IQGAP2: variants seen among roughly 807,000 people sequenced by gnomAD.
The protein encoded by IQGAP2 is ras GTPase-activating-like protein IQGAP2.
In IQGAP2, 173 loss-of-function variants were observed where a neutral mutation model predicts 201.3. The observed-to-expected ratio is 0.86, with a 90% CI of 0.76 to 0.98. The LOEUF is 0.98. Ranked by LOEUF, IQGAP2 falls within the 50% of genes least tolerant of loss-of-function variation. The pLI is 0.00. For synonymous variants in IQGAP2, 675 were observed against 673.9 expected (o/e 1.00, Z -0.03); for missense variants, 1,687 against 1,864.8 (o/e 0.90, Z 1.76).
intron 2 of IQGAP2, chr5:76,510,789 C>T: frequency 2.2e-6 from 1 of 455,578 alleles, no homozygotes; most frequent in South Asian, 1.7e-5. Flanking sequence ...TGGCACCTGC[C>T]CCCACCTCCA....
chr5:76,498,804 C>T (rs1255704619), intron 2 of IQGAP2, among the ~76,000 whole-genome samples: 2 of 152,260 alleles, frequency 1.3e-5, no homozygotes, highest in Middle Eastern at 3.4e-3. Flanking sequence ...GCATTCTAGG[C>T]CCATAATTCA....
At chr5:76,473,763 T>A (rs1200929228) in intron 2 of IQGAP2, among the ~76,000 whole-genome samples, 1 of 152,252 alleles carries the variant, frequency 6.6e-6, no homozygotes, top group Non-Finnish European at 1.5e-5. Context: ...TCATCAATTA[T>A]CTTTTTGGTT....
intron 1 of IQGAP2, among the ~76,000 whole-genome samples, chr5:76,417,140 A>G (rs1187585034): frequency 6.6e-6 from 1 of 151,904 alleles, no homozygotes; most frequent in Non-Finnish European, 1.5e-5. Context: ...AAATTGTTCA[A>G]GTGTGTGTGT....
intron 13 of IQGAP2, among the ~76,000 whole-genome samples, chr5:76,623,935 G>C (rs1433770032): frequency 4.4e-5 from 1 of 22,950 alleles, no homozygotes; most frequent in Non-Finnish European, 9.1e-5. Context: ...GTTTGTTCAG[G>C]CTTTTTTTTT....
At chr5:76,434,832 A>C (rs1293754955) in intron 1 of IQGAP2, among the ~76,000 whole-genome samples, 1 of 151,960 alleles carries the variant, frequency 6.6e-6, no homozygotes, top group Non-Finnish European at 1.5e-5. Flanking sequence ...GCAGCGTATA[A>C]GCATTCCCTT....
chr5:76,689,716 C>CACTA (rs1351719644), intron 30 of IQGAP2, among the ~76,000 whole-genome samples: 4 of 151,146 alleles, frequency 2.6e-5, no homozygotes, highest in Admixed American at 2.0e-4. Context: ...CTAGCAGGAG[C>CACTA]ACTAAATGGC....
intron 2 of IQGAP2, among the ~76,000 whole-genome samples, chr5:76,466,260 A>C (rs776505738): frequency 3.3e-5 from 5 of 152,142 alleles, no homozygotes; most frequent in Non-Finnish European, 7.4e-5. Flanking sequence ...AAGATCACTC[A>C]GGAGGCTGAG....
At chr5:76,668,005 G>T (rs1161747609) in intron 22 of IQGAP2, among the ~76,000 whole-genome samples, 1 of 150,648 alleles carries the variant, frequency 6.6e-6, no homozygotes, top group Non-Finnish European at 1.5e-5. Flanking sequence ...TCAGCCTCTT[G>T]AGTAGCAGGG....
chr5:76,641,308 A>G (rs1240014297), intron 17 of IQGAP2, among the ~76,000 whole-genome samples: 2 of 152,236 alleles, frequency 1.3e-5, no homozygotes, highest in Non-Finnish European at 2.9e-5. Flanking sequence ...ATGGTCTTCT[A>G]GAGAGCATTT....
chr5:76,471,377 A>C (rs73766928), intron 2 of IQGAP2, among the ~76,000 whole-genome samples: 6 of 54,120 alleles, frequency 1.1e-4, no homozygotes, highest in East Asian at 6.2e-4. Context: ...AAAAAAAAAA[A>C]AAAAAAAAAC....
intron 2 of IQGAP2, among the ~76,000 whole-genome samples, chr5:76,487,470 GTTTATC>G (rs370009135): frequency 1.9e-4 from 29 of 152,202 alleles, no homozygotes; most frequent in South Asian, 1.0e-3. Flanking sequence ...TAAGAAAAAA[GTTTATC>G]TTTATAGTAT....
chr5:76,583,874 ATT>A (rs5868832), intron 5 of IQGAP2, among the ~76,000 whole-genome samples: 10 of 147,654 alleles, frequency 6.8e-5, no homozygotes, highest in Admixed American at 1.3e-4. Flanking sequence ...GGTAGAGAAA[ATT>A]TTTTTTTTTT....
chr5:76,571,991 A>G (rs540252155), intron 4 of IQGAP2, among the ~76,000 whole-genome samples: 1 of 152,302 alleles, frequency 6.6e-6, no homozygotes, highest in East Asian at 1.9e-4. Flanking sequence ...ACACAGACAC[A>G]CAGAAGAGTG....
At chr5:76,470,138 C>A (rs532140778) in intron 2 of IQGAP2, among the ~76,000 whole-genome samples, 48 of 152,242 alleles carry the variant, frequency 3.2e-4, no homozygotes, top group African/African-American at 1.2e-3. Flanking sequence ...CTGCTGTTGG[C>A]CAGAGTCTTC....
chr5:76,606,225 G>A lies in IQGAP2; in HGVS notation c.1279G>A (p.Gly427Arg), dbSNP rs1747793584. The A allele has an allele frequency of 2.5e-6, 4 of 1,605,114 alleles. No homozygotes were observed. The South Asian group carries it at 3.4e-5, about 13-fold the overall frequency. ...LSVKLEVLSQ[G>R]QDNLSWNEIQ... is the part of the protein sequence containing the mutation. ...TGTTAAACTAGAAGTTTTATCCCAA[G>A]GGCAAGATAACTTAAGCTGGAATGA... Residue 427 changes from glycine to arginine, a missense_variant, in exon 12 of 36, where the codon GGG (glycine) becomes AGG (arginine). Coordinates refer to ENST00000274364, the MANE Select transcript of IQGAP2 (RefSeq NM_006633.5).
intron 1 of IQGAP2, among the ~76,000 whole-genome samples, chr5:76,421,567 T>A (rs1022691086): frequency 6.6e-6 from 1 of 152,110 alleles, no homozygotes; most frequent in Non-Finnish European, 1.5e-5. Flanking sequence ...CAGTGAGCCA[T>A]GATAGTGTCA....
At chr5:76,460,543 C>T (rs1431979837) in intron 1 of IQGAP2, among the ~76,000 whole-genome samples, 1 of 142,970 alleles carries the variant, frequency 7.0e-6, no homozygotes, top group African/African-American at 2.7e-5. Flanking sequence ...GTGACTAGAC[C>T]TGTTCTGAGA....
At chr5:76,539,806 C>T (rs1742636181) in intron 2 of IQGAP2, among the ~76,000 whole-genome samples, 1 of 152,104 alleles carries the variant, frequency 6.6e-6, no homozygotes, top group African/African-American at 2.4e-5. Context: ...CAGCTTTGGC[C>T]TTGGCTGTAT....
intron 12 of IQGAP2, among the ~76,000 whole-genome samples, chr5:76,610,620 T>C (rs1243189918): frequency 1.3e-5 from 2 of 152,038 alleles, no homozygotes; most frequent in African/African-American, 4.8e-5. Flanking sequence ...AGAAGTTGCA[T>C]TGAATCTGTA....
Sources: gnomAD v4.1 joint callset for allele counts (sites outside exome capture counted in the v4.1 genomes callset) on GRCh38, gnomAD v4.1.1 for gene constraint, MANE v1.5 for transcripts, NCBI Gene and HGNC (gene_info 2026-07-23, HGNC 2026-07-21) for gene names.